Variants in EEF2 observed in about 807,000 individuals in gnomAD.
EEF2 encodes the protein elongation factor 2.
Under a neutral mutation model 85.3 loss-of-function variants are expected in EEF2, and 21 were observed. The observed-to-expected ratio is 0.25, with a 90% CI of 0.17 to 0.35. The LOEUF is 0.35. EEF2 is among the 10% of genes least tolerant of loss of function. EEF2 has a pLI of 1.00. For synonymous variants in EEF2, 723 were observed against 508.8 expected, an observed-to-expected ratio of 1.42 and a Z score of -5.67; for missense variants, 825 against 1,225.3, an observed-to-expected ratio of 0.67 and a Z score of 4.88.
In EEF2 at chr19:3,977,021, G is replaced by C. The variant is rs1319944687; in HGVS notation, c.2383+194C>G. On this transcript the variant is annotated intron_variant, in intron 14 of 14. Transcript: ENST00000309311. The surrounding 1 kb of genome is among the most constrained non-coding windows in gnomAD (Gnocchi z 5.4). ...CAGGCCCAGAGCCCTTCTCACACTGGGGATAGGAGAGCCCCTCCCCTGGGA... is the reference window on the plus strand; with the variant it reads ...CAGGCCCAGAGCCCTTCTCACACTGCGGATAGGAGAGCCCCTCCCCTGGGA... Among the ~76,000 whole-genome samples the C allele has an allele frequency of 1.3e-5, 2 of 152,322 alleles. No homozygotes were observed. The highest frequency in any genetic ancestry group is 3.9e-4 in the East Asian group (2 of 5,188).
chr19:3,981,878 C>G, intron 6 of EEF2, 69 bp downstream of exon 6: 1 of 1,451,598 alleles, frequency 6.9e-7, no homozygotes, highest in South Asian at 1.2e-5. Flanking sequence ...GACAGGCTAC[C>G]GGCCGGAGCC....
rs181721180 is a variant in EEF2, at chr19:3,977,384, G to A, written c.2251-37C>T. 2.2e-4 allele frequency: 344 copies of A among 1,591,428 alleles called. 1 individual carries two copies. In the African/African-American group the frequency reaches 4.2e-3, roughly 19 times the overall value. On this transcript the variant is annotated intron_variant, in intron 13 of 14. Coordinates refer to ENST00000309311, the MANE Select transcript of EEF2 (RefSeq NM_001961.4). The surrounding 1 kb of genome is among the most constrained non-coding windows in gnomAD (Gnocchi z 5.4). ...GAAAGAAAACCTGTCAGTGGCCGCT[G>A]GGCAGGACGGTGGCAGGGTCAGCGG... is the stretch of plus-strand genomic sequence containing the variant.
rs371674983 is a variant in EEF2 at position 3,976,668 on chromosome 19, G to A, written c.2463C>T (p.Pro821=). 2.9e-5 allele frequency: 46 copies of A among 1,608,828 alleles called. 1 individual carries two copies. Among genetic ancestry groups the A allele is most frequent in the Admixed American group, 1.7e-4 (10 of 59,524 alleles). Residue 821 remains proline (P), a synonymous_variant, in exon 15 of 15, where the codon CCC becomes CCT. Coordinates refer to ENST00000309311, the MANE Select transcript of EEF2 (RefSeq NM_001961.4). ...GGCTGCTGTTGTCGAAGGGGTCTCC[G>A]GGCAGGATCTGCCAGTGGTCAAACA... ...QCVFDHWQIL[P]GDPFDNSSRP...
At chr19:3,979,075 C>T (rs933677285) in intron 11 of EEF2, among the ~76,000 whole-genome samples, 1 of 149,688 alleles carries the variant, frequency 6.7e-6, no homozygotes, top group Non-Finnish European at 1.5e-5. Flanking sequence ...GAGGTTCTAG[C>T]GAGCCAAGAT....
intron 6 of EEF2, among the ~76,000 whole-genome samples, 161 bp downstream of exon 6, chr19:3,981,786 G>A (rs539097185): frequency 1.3e-5 from 2 of 152,360 alleles, no homozygotes; most frequent in South Asian, 2.1e-4. Context: ...TCTTAAGAGA[G>A]GAGCCCTGAC....
At position 3,985,441 on chromosome 19, in the gene EEF2, TGGCG is replaced by T; in HGVS notation, c.-65_-62del. The stretch of plus-strand genomic sequence containing the variant: ...CGAAAGAAGCGAGTCGCGCCGAGGA[TGGCG>T]GCGACGACGGCGGAAGAGAACGCTG... On this transcript the variant is annotated 5_prime_UTR_variant, in exon 1 of 15. Transcript: ENST00000309311. 6.9e-7 allele frequency: 1 copy of T among 1,446,040 alleles called. No homozygotes were observed. Among genetic ancestry groups the T allele is most frequent in the Non-Finnish European group, 9.1e-7 (1 of 1,093,632 alleles). The allele number at this position is 1,446,040 out of a possible 1,614,324, so 89.6% of individuals were successfully genotyped here. A position where few individuals can be genotyped will look rare whatever the true frequency, so the allele number is the denominator to read the frequency against.
Position 3,983,282 on chromosome 19 carries a change from G to A in EEF2, c.228C>T (p.Ser76=), listed in dbSNP as rs139923576. ...RCITIKSTAI[S]LFYELSENDL... Reference sequence around the variant, plus strand: ...CATTCTCCGAGAGCTCGTAGAAGAGGGAGATGGCACTGATGGAGGGAGGGA... The same window carrying A: ...CATTCTCCGAGAGCTCGTAGAAGAGAGAGATGGCACTGATGGAGGGAGGGA... Residue 76 remains serine, a synonymous_variant, in exon 3 of 15, where the codon TCC becomes TCT. Coordinates refer to ENST00000309311, the MANE Select transcript of EEF2 (RefSeq NM_001961.4). 1.4e-5 allele frequency: 23 copies of A among 1,613,288 alleles called. 1 individual carries two copies. The highest frequency in any genetic ancestry group is 8.8e-5 in the South Asian group (8 of 91,008).
At chr19:3,983,345 G>C (rs1345498155) in intron 2 of EEF2, 54 bp from the exon 3 acceptor site, 1 of 1,570,166 alleles carries the variant, frequency 6.4e-7, no homozygotes, top group East Asian at 2.3e-5. Flanking sequence ...CTGGCCCAGG[G>C]AGTCTGGGAT....
At position 3,977,639 on chromosome 19, in the gene EEF2, G is replaced by T; in HGVS notation, c.2068-29C>A. On this transcript the variant is annotated intron_variant, in intron 12 of 14. Transcript: ENST00000309311. The surrounding 1 kb of genome is among the most constrained non-coding windows in gnomAD (Gnocchi z 5.4). ...GGGGAGGGGGAGAGCCACCGTCAAG[G>T]GCCGGACACACCTCGGCTGCTTGCC... 1 of 1,494,762 alleles carries T rather than the reference G, an allele frequency of 6.7e-7. No individual in the cohort carries two copies. The allele number at this position is 1,494,762 out of a possible 1,614,324, so 92.6% of individuals were successfully genotyped here.
At chr19:3,982,167 G>C (rs1222958035) in intron 5 of EEF2, 79 bp downstream of exon 5, 1 of 1,600,206 alleles carries the variant, frequency 6.2e-7, no homozygotes, top group Non-Finnish European at 8.6e-7. Context: ...GCCACGCTGT[G>C]AATAGCACAC....
At chr19:3,979,281 C>G in intron 11 of EEF2, 48 bp downstream of exon 11, 1 of 1,467,898 alleles carries the variant, frequency 6.8e-7, no homozygotes, top group Non-Finnish European at 9.5e-7. Flanking sequence ...AAGCAGAGGG[C>G]AGGTGTCCGG....
In EEF2 at chr19:3,983,264, C is replaced by T. The variant is rs746012587; in HGVS notation, c.246G>A (p.Ser82=). ...STAISLFYEL[S]ENDLNFIKQS... is the part of the protein sequence containing the mutation. Reference sequence around the variant, plus strand: ...GCTTGATGAAGTTCAAGTCATTCTCCGAGAGCTCGTAGAAGAGGGAGATGG... The same window carrying T: ...GCTTGATGAAGTTCAAGTCATTCTCTGAGAGCTCGTAGAAGAGGGAGATGG... Residue 82 remains serine (S), a synonymous_variant, in exon 3 of 15, where the codon TCG becomes TCA. Transcript: ENST00000309311. The T allele has an allele frequency of 8.0e-5, 129 of 1,613,620 alleles. No individual in the cohort carries two copies. Among genetic ancestry groups the T allele is most frequent in the Middle Eastern group, 4.9e-4 (3 of 6,084 alleles).
chr19:3,979,945 G>A lies in EEF2; in HGVS notation c.1468C>T (p.His490Tyr), dbSNP rs2039724742. 1 of 1,613,942 alleles carries A rather than the reference G, an allele frequency of 6.2e-7. No individual in the cohort carries two copies. The highest frequency in any genetic ancestry group is 8.5e-7 in the Non-Finnish European group (1 of 1,180,048). Residue 490 changes from histidine (H) to tyrosine (Y), a missense_variant, in exon 10 of 15, where the codon CAC becomes TAC. Coordinates refer to ENST00000309311, the MANE Select transcript of EEF2 (RefSeq NM_001961.4). ...VKTGTITTFE[H>Y]AHNMRVMKFS... ...TTCATCACCCGCATGTTGTGCGCGT[G>A]CTCGAAGGTGGTGATGGTGCCCGTC...
intron 8 of EEF2, 45 bp from the exon 9 acceptor site, chr19:3,980,754 A>G: frequency 6.2e-7 from 1 of 1,602,200 alleles, no homozygotes; most frequent in Non-Finnish European, 8.5e-7. Context: ...AGTGCAGCTC[A>G]GCCTTCTGGA....
In EEF2 at chr19:3,979,392, G is replaced by A. The variant is rs779649274; in HGVS notation, c.1650C>T (p.Gly550=). Residue 550 remains glycine (G), a synonymous_variant, in exon 11 of 15, where the codon GGC becomes GGT. Coordinates refer to ENST00000309311, the MANE Select transcript of EEF2 (RefSeq NM_001961.4). ...ESGEHIIAGA[G]ELHLEICLKD... The stretch of plus-strand genomic sequence containing the variant: ...TCAGGCAGATCTCCAGGTGCAGCTC[G>A]CCGGCGCCCGCGATGATATGCTCTC... 34 of 1,613,824 alleles carry A rather than the reference G, an allele frequency of 2.1e-5. No individual in the cohort carries two copies. Among genetic ancestry groups the A allele is most frequent in the East Asian group, 4.5e-5 (2 of 44,892 alleles).
At chr19:3,985,354 C>A (rs752038166) in intron 1 of EEF2, 24 bp downstream of exon 1, 21 of 1,475,672 alleles carry the variant, frequency 1.4e-5, no homozygotes, top group Non-Finnish European at 1.9e-5. Context: ...CGCTCCGGGG[C>A]ACCAGCGAGG....
intron 4 of EEF2, 40 bp downstream of exon 4, chr19:3,982,767 C>T (rs376424666): frequency 4.4e-6 from 7 of 1,578,758 alleles, no homozygotes; most frequent in East Asian, 2.3e-5. Flanking sequence ...CTGCAGATCC[C>T]GCTGCGGCAA....
intron 2 of EEF2, chr19:3,983,900 G>A: frequency 1.8e-6 from 1 of 560,806 alleles, no homozygotes; most frequent in Non-Finnish European, 3.2e-6. Context: ...CCCCCAGGGA[G>A]GGAGAACCAC....
At chr19:3,981,474 A>G (rs1324954197) in intron 6 of EEF2, 22 bp from the exon 7 acceptor site, 1 of 1,607,232 alleles carries the variant, frequency 6.2e-7, no homozygotes, top group East Asian at 2.2e-5. Flanking sequence ...ACCAAGAAAC[A>G]AGAAAGCCCA....
Sources: gnomAD v4.1 joint callset for allele counts (sites outside exome capture counted in the v4.1 genomes callset) on GRCh38, gnomAD v4.1.1 for gene constraint, Gnocchi (gnomAD v3.1) non-coding constraint, MANE v1.5 for transcripts, NCBI Gene and HGNC (gene_info 2026-07-23, HGNC 2026-07-21) for gene names.